The following ADAMTS17 variants were observed in gnomAD, a reference collection of about 807,000 sequenced individuals.
ADAMTS17 encodes A disintegrin and metalloproteinase with thrombospondin motifs 17.
A neutral mutation model predicts 141.5 loss-of-function variants in ADAMTS17; 113 were observed. That is an observed-to-expected ratio of 0.80 (90% CI 0.69 to 0.93). The LOEUF is 0.93. Among genes scored for constraint, ADAMTS17 ranks in the 40% least tolerant of loss-of-function variants. ADAMTS17 has a pLI of 0.00. For synonymous variants in ADAMTS17, 768 were observed against 630.6 expected (o/e 1.22, Z -3.27); for missense variants, 1,659 against 1,517.9 (o/e 1.09, Z -1.54).
At chr15:100,172,709 A>G (rs534179297) in intron 8 of ADAMTS17, among the ~76,000 whole-genome samples, 2 of 152,342 alleles carry the variant, frequency 1.3e-5, no homozygotes, top group African/African-American at 4.8e-5. Flanking sequence ...CACCCTAGCC[A>G]ATACGGGAAC....
chr15:100,136,076 G>A (rs1387112059), intron 10 of ADAMTS17, among the ~76,000 whole-genome samples: 1 of 152,208 alleles, frequency 6.6e-6, no homozygotes, highest in African/African-American at 2.4e-5. Flanking sequence ...CGAATCCTAA[G>A]TATATAACGC....
At chr15:100,306,750 C>T (rs553439899) in intron 3 of ADAMTS17, among the ~76,000 whole-genome samples, 11 of 152,288 alleles carry the variant, frequency 7.2e-5, no homozygotes, top group Admixed American at 1.3e-4. Flanking sequence ...TGCTCGAACT[C>T]GGTAGAAACC....
At chr15:99,990,409 C>T (rs1382159568) in intron 20 of ADAMTS17, among the ~76,000 whole-genome samples, 2 of 152,150 alleles carry the variant, frequency 1.3e-5, no homozygotes, top group Admixed American at 1.3e-4. Flanking sequence ...CTGGCAGCTC[C>T]ATACTAAGCT....
chr15:100,268,935 C>T (rs55782359), intron 4 of ADAMTS17, among the ~76,000 whole-genome samples: 9,665 of 151,654 alleles, frequency 0.064, 355 homozygotes, highest in Non-Finnish European at 0.085. Flanking sequence ...ACAAGACACA[C>T]AGACCAATGG....
chr15:100,251,805 G>T (rs1324622256), intron 7 of ADAMTS17, among the ~76,000 whole-genome samples: 1 of 152,202 alleles, frequency 6.6e-6, no homozygotes, highest in African/African-American at 2.4e-5. Context: ...AGTATGACTG[G>T]CGTCCTTTAT....
intron 20 of ADAMTS17, 29 bp from the exon 21 acceptor site, chr15:99,976,251 C>G (rs749583910): frequency 1.3e-6 from 2 of 1,539,036 alleles, no homozygotes; most frequent in Non-Finnish European, 1.7e-6. Flanking sequence ...CTGAGTGGGG[C>G]TGACATGAGG....
chr15:100,252,193 C>G (rs374992049), intron 7 of ADAMTS17, among the ~76,000 whole-genome samples: 2 of 152,172 alleles, frequency 1.3e-5, no homozygotes, highest in Non-Finnish European at 2.9e-5. Flanking sequence ...TCAAAAGAAA[C>G]GGAAAGCTAG....
At chr15:100,010,360 G>A (rs142870126) in intron 18 of ADAMTS17, among the ~76,000 whole-genome samples, 83 of 152,352 alleles carry the variant, frequency 5.4e-4, no homozygotes, top group African/African-American at 1.9e-3. Flanking sequence ...AAATCAGGAG[G>A]TGCCTGCACA....
chr15:100,328,538 T>C (rs191143375), intron 3 of ADAMTS17, among the ~76,000 whole-genome samples: 33 of 152,218 alleles, frequency 2.2e-4, no homozygotes, highest in Non-Finnish European at 3.8e-4. Flanking sequence ...GAAGGAGAGA[T>C]TGTATTTTTA....
chr15:100,248,802 ATTT>A (rs56163057), intron 7 of ADAMTS17, among the ~76,000 whole-genome samples: 1 of 141,734 alleles, frequency 7.1e-6, no homozygotes, highest in Admixed American at 7.1e-5. Context: ...TCTGGTGTTA[ATTT>A]TTTTTTTTTT....
chr15:100,311,229 T>C (rs1454476823), intron 3 of ADAMTS17, among the ~76,000 whole-genome samples: 10 of 152,328 alleles, frequency 6.6e-5, no homozygotes, highest in Admixed American at 6.5e-4. Flanking sequence ...GGAGGGAACA[T>C]GAACGCCGCT....
At chr15:100,172,789 C>T (rs2040208277) in intron 8 of ADAMTS17, among the ~76,000 whole-genome samples, 1 of 152,366 alleles carries the variant, frequency 6.6e-6, no homozygotes, top group Admixed American at 6.5e-5. Context: ...GGTGTGCTCT[C>T]ACCATTGTTC....
At chr15:100,072,785 AT>A (rs1365957910) in intron 15 of ADAMTS17, among the ~76,000 whole-genome samples, 1 of 152,224 alleles carries the variant, frequency 6.6e-6, no homozygotes, top group Admixed American at 6.5e-5. Flanking sequence ...TAAATGTTAG[AT>A]CTAAAACCAT....
chr15:100,051,558 C>A lies in ADAMTS17; in HGVS notation c.2455+14G>T, dbSNP rs200876289. 6.2e-7 allele frequency: 1 copy of A among 1,612,922 alleles called. No homozygotes were observed. The highest frequency in any genetic ancestry group is 8.5e-7 in the Non-Finnish European group (1 of 1,179,880). On this transcript the variant is annotated intron_variant, in intron 17 of 21. Transcript: ENST00000268070. ...AACCCCACACCCAACAGGTCATGGACCACGGCCACTCACCTCCGCCGCACT... is the reference window on the plus strand; with the variant it reads ...AACCCCACACCCAACAGGTCATGGAACACGGCCACTCACCTCCGCCGCACT...
chr15:100,004,360 C>T (rs558730031), intron 18 of ADAMTS17, among the ~76,000 whole-genome samples: 1 of 152,290 alleles, frequency 6.6e-6, no homozygotes, highest in South Asian at 2.1e-4. Context: ...GAAATCATTT[C>T]ACCCAACCCC....
intron 18 of ADAMTS17, among the ~76,000 whole-genome samples, chr15:100,036,479 A>C (rs190393037): frequency 2.0e-5 from 3 of 152,300 alleles, no homozygotes; most frequent in African/African-American, 7.2e-5. Context: ...AAGTCCCGAG[A>C]TATCGTGAGC....
At chr15:100,115,551 A>G (rs1187993851) in intron 13 of ADAMTS17, among the ~76,000 whole-genome samples, 2 of 152,206 alleles carry the variant, frequency 1.3e-5, no homozygotes, top group East Asian at 3.8e-4. Flanking sequence ...ATGTTGCTCT[A>G]CGAGTCAGCT....
At chr15:100,337,013 A>G (rs2046226451) in intron 2 of ADAMTS17, among the ~76,000 whole-genome samples, 1 of 152,150 alleles carries the variant, frequency 6.6e-6, no homozygotes, top group East Asian at 1.9e-4. Context: ...AGCTGGGATT[A>G]CAGGCGCCCA....
At chr15:99,977,390 ATATATATATAATTTT>A (rs2060379198) in intron 20 of ADAMTS17, among the ~76,000 whole-genome samples, 1 of 8,492 alleles carries the variant, frequency 1.2e-4, no homozygotes, top group African/African-American at 4.8e-4. Flanking sequence ...ATATATATAT[ATATATATATAATTTT>A]TTTTTTTTTT....
Sources: gnomAD v4.1 joint callset for allele counts (sites outside exome capture counted in the v4.1 genomes callset) on GRCh38, gnomAD v4.1.1 for gene constraint, MANE v1.5 for transcripts, NCBI Gene and HGNC (gene_info 2026-07-23, HGNC 2026-07-21) for gene names.